Variants in ENTREP2 observed in about 807,000 individuals in gnomAD.
The protein encoded by ENTREP2 is protein ENTREP2.
At chr15:29,426,136 A>G in the ENTREP2 span, among the ~76,000 whole-genome samples, 6 of 152,196 alleles carry the variant, frequency 3.9e-5, no homozygotes, top group Middle Eastern at 3.4e-3. Context: ...TGGCTTGTGC[A>G]CTACAAGTCA....
chr15:29,494,730 T>A, the ENTREP2 span, among the ~76,000 whole-genome samples: 1 of 152,348 alleles, frequency 6.6e-6, no homozygotes, highest in East Asian at 1.9e-4. Flanking sequence ...GTTTTTAGAT[T>A]CCACATATAA....
At chr15:29,471,373 G>A in the ENTREP2 span, among the ~76,000 whole-genome samples, 173 of 152,350 alleles carry the variant, frequency 1.1e-3, no homozygotes, top group African/African-American at 3.8e-3. Context: ...CGAGCTGCAG[G>A]GGCAGCCAGC....
At chr15:29,228,084 C>T in the ENTREP2 span, among the ~76,000 whole-genome samples, 8 of 152,138 alleles carry the variant, frequency 5.3e-5, no homozygotes, top group Non-Finnish European at 1.2e-4. Flanking sequence ...GTAATCCCAA[C>T]ACTTTGGGAG....
the ENTREP2 span, among the ~76,000 whole-genome samples, chr15:29,254,755 C>T: frequency 6.6e-6 from 1 of 151,948 alleles, no homozygotes; most frequent in African/African-American, 2.4e-5. Context: ...TACTCAGGAG[C>T]CTGAGGCAGG....
the ENTREP2 span, chr15:29,120,264 T>C: frequency 6.8e-6 from 1 of 146,254 alleles, no homozygotes; most frequent in African/African-American, 2.8e-5. Context: ...CCAGAAATAC[T>C]TCTTTTTATT....
chr15:29,581,949 T>G, the ENTREP2 span, among the ~76,000 whole-genome samples: 3,358 of 151,718 alleles, frequency 0.022, 112 homozygotes, highest in African/African-American at 0.076. Flanking sequence ...CTGGTTTTTT[T>G]TTTTTTTTTT....
the ENTREP2 span, among the ~76,000 whole-genome samples, chr15:29,327,677 A>G: frequency 6.6e-6 from 1 of 152,178 alleles, no homozygotes; most frequent in African/African-American, 2.4e-5. Context: ...ATATGACATA[A>G]TGTTCAATAT....
the ENTREP2 span, among the ~76,000 whole-genome samples, chr15:29,240,727 T>C: frequency 6.6e-6 from 1 of 152,160 alleles, no homozygotes; most frequent in Non-Finnish European, 1.5e-5. Flanking sequence ...AATATAATGA[T>C]TTGTGAACGG....
the ENTREP2 span, among the ~76,000 whole-genome samples, chr15:29,288,435 TTCTC>T: frequency 1.3e-5 from 2 of 152,314 alleles, no homozygotes; most frequent in South Asian, 4.1e-4. Context: ...ACACTGGCTG[TTCTC>T]TCTGCCTGGA....
chr15:29,213,094 T>C, the ENTREP2 span, among the ~76,000 whole-genome samples: 1 of 152,222 alleles, frequency 6.6e-6, no homozygotes, highest in East Asian at 1.9e-4. Flanking sequence ...AAAGATCAGA[T>C]GGTTGTAGAC....
the ENTREP2 span, among the ~76,000 whole-genome samples, chr15:29,615,066 C>T: frequency 2.6e-5 from 4 of 152,236 alleles, no homozygotes; most frequent in Admixed American, 6.5e-5. Flanking sequence ...CAGCATTATC[C>T]CATTTTCAGT....
chr15:29,671,875 G>A, the ENTREP2 span, among the ~76,000 whole-genome samples: 5 of 152,304 alleles, frequency 3.3e-5, no homozygotes, highest in South Asian at 1.0e-3. Context: ...GTCCCCCAAG[G>A]AGCCCCCGTC....
the ENTREP2 span, among the ~76,000 whole-genome samples, chr15:29,549,499 T>C: frequency 1.3e-5 from 2 of 152,188 alleles, no homozygotes; most frequent in Non-Finnish European, 2.9e-5. Flanking sequence ...CTCAATCTCC[T>C]GACCTCGTGA....
At chr15:29,492,435 G>C in the ENTREP2 span, among the ~76,000 whole-genome samples, 32 of 152,296 alleles carry the variant, frequency 2.1e-4, no homozygotes, top group East Asian at 5.8e-3. Flanking sequence ...ATGTGTTAGA[G>C]AGCAAGTCAT....
At chr15:29,486,711 A>G in the ENTREP2 span, among the ~76,000 whole-genome samples, 2 of 152,144 alleles carry the variant, frequency 1.3e-5, no homozygotes, top group African/African-American at 2.4e-5. Context: ...ACAAACAAAA[A>G]GAATGAAATC....
the ENTREP2 span, among the ~76,000 whole-genome samples, chr15:29,457,951 C>G: frequency 6.6e-6 from 1 of 152,120 alleles, no homozygotes; most frequent in Non-Finnish European, 1.5e-5. Flanking sequence ...CCCACAGAGC[C>G]CAGGCCTGGC....
chr15:29,367,017 T>C, the ENTREP2 span, among the ~76,000 whole-genome samples: 2 of 152,132 alleles, frequency 1.3e-5, no homozygotes, highest in African/African-American at 4.8e-5. Context: ...GACCTAAAAA[T>C]TCACTCCTCC....
chr15:29,301,703 T>C, the ENTREP2 span, among the ~76,000 whole-genome samples: 1 of 152,172 alleles, frequency 6.6e-6, no homozygotes, highest in Non-Finnish European at 1.5e-5. Context: ...GATTAACATA[T>C]AGAAACCTAA....
the ENTREP2 span, among the ~76,000 whole-genome samples, chr15:29,631,970 T>C: frequency 6.6e-6 from 1 of 152,088 alleles, no homozygotes. Context: ...AGTGCTGGAG[T>C]TGCTAAGGTG....
Sources: gnomAD v4.1 joint callset for allele counts (sites outside exome capture counted in the v4.1 genomes callset) on GRCh38, gnomAD v4.1.1 for gene constraint, MANE v1.5 for transcripts, NCBI Gene and HGNC (gene_info 2026-07-23, HGNC 2026-07-21) for gene names.